SDAD1: variants seen among roughly 807,000 people sequenced by gnomAD.
SDAD1 encodes the protein protein SDA1 homolog.
SDAD1 carries 79 observed loss-of-function variants against 100.3 expected under a neutral mutation model. The observed-to-expected ratio is 0.79, with a 90% CI of 0.66 to 0.95. SDAD1 has a LOEUF of 0.95. SDAD1 is among the 40% of genes least tolerant of loss of function. The pLI is 0.00. For synonymous variants in SDAD1, 267 were observed against 271.4 expected (o/e 0.98, Z 0.16); for missense variants, 790 against 810.9 (o/e 0.97, Z 0.31).
At chr4:75,967,951 A>G (rs959367617) in intron 11 of SDAD1, among the ~76,000 whole-genome samples, 1 of 152,210 alleles carries the variant, frequency 6.6e-6, no homozygotes, top group Non-Finnish European at 1.5e-5. Flanking sequence ...TTTCAAGAAG[A>G]GAAACTGGAA....
intron 14 of SDAD1, 90 bp downstream of exon 14, chr4:75,964,045 C>CA: frequency 1.2e-6 from 1 of 835,766 alleles, no homozygotes; most frequent in East Asian, 2.6e-5. Flanking sequence ...AGAGGTGATA[C>CA]TACCAGCTAC....
At chr4:75,959,123 A>AAC (rs1729085682) in intron 17 of SDAD1, among the ~76,000 whole-genome samples, 2 of 149,908 alleles carry the variant, frequency 1.3e-5, no homozygotes, top group African/African-American at 2.5e-5. Flanking sequence ...AAAAAAAAAA[A>AAC]AAAAACCTAA....
At position 75,981,985 on chromosome 4, in the gene SDAD1, T is replaced by G; in HGVS notation, c.143A>C (p.Gln48Pro). 6.2e-7 allele frequency: 1 copy of G among 1,612,586 alleles called. No individual in the cohort carries two copies. The part of the protein sequence containing the change: ...YKSNVEIFKL[Q>P]PNKPSKELAE... ...TAGTTCTTTGCTGGGTTTATTTGGT[T>G]GCAATTTGAAAATCTCCACATTGGA... is the stretch of plus-strand genomic sequence containing the variant. The change falls in exon 2 of 22, where the codon CAA becomes CCA. Residue 48 changes from glutamine to proline, a missense_variant. Coordinates refer to ENST00000356260, the MANE Select transcript of SDAD1 (RefSeq NM_018115.4).
chr4:75,977,389 GAAT>G (rs1480554549), intron 4 of SDAD1, among the ~76,000 whole-genome samples: 1 of 152,118 alleles, frequency 6.6e-6, no homozygotes, highest in Non-Finnish European at 1.5e-5. Context: ...TGCAAAGTAA[GAAT>G]AATAATAATG....
At chr4:75,962,585 G>T (rs957494173) in intron 14 of SDAD1, among the ~76,000 whole-genome samples, 10 of 152,216 alleles carry the variant, frequency 6.6e-5, no homozygotes, top group African/African-American at 1.9e-4. Flanking sequence ...TTTAATGATC[G>T]CCATTCTAAC....
rs377540050 is a variant in SDAD1, at chr4:75,978,061, CT to C, written c.295-306del. Among the ~76,000 whole-genome samples, 20 of 152,204 alleles carry C rather than the reference CT, an allele frequency of 1.3e-4. No individual in the cohort carries two copies. In the South Asian group the frequency reaches 3.5e-3, roughly 27 times the overall value. ...GCCACAGGGAGGTCAAGTAAGGTCT[CT>C]TTGTAGTGTCATCATACGGCAAAAC... On this transcript the variant is annotated intron_variant, in intron 3 of 21. Coordinates refer to ENST00000356260, the MANE Select transcript of SDAD1 (RefSeq NM_018115.4).
At chr4:75,978,696 C>A (rs1285356590) in intron 3 of SDAD1, among the ~76,000 whole-genome samples, 1 of 152,050 alleles carries the variant, frequency 6.6e-6, no homozygotes, top group Admixed American at 6.6e-5. Context: ...AAGGGCAAGG[C>A]TGGGCATGGT....
At chr4:75,954,254 C>T (rs986752951) in intron 21 of SDAD1, among the ~76,000 whole-genome samples, 1 of 151,996 alleles carries the variant, frequency 6.6e-6, no homozygotes, top group African/African-American at 2.4e-5. Flanking sequence ...TGGTGGCGGG[C>T]ACCTGTAGTC....
At chr4:75,971,939 ATT>A (rs35932670) in intron 8 of SDAD1, among the ~76,000 whole-genome samples, 16 of 138,342 alleles carry the variant, frequency 1.2e-4, no homozygotes, top group African/African-American at 1.3e-4. Context: ...CTGTAGCACT[ATT>A]TTTTTTTTTT....
At chr4:75,970,485 A>G in intron 9 of SDAD1, 107 bp from the exon 10 acceptor site, 2 of 753,430 alleles carry the variant, frequency 2.7e-6, no homozygotes, top group Non-Finnish European at 4.1e-6. Flanking sequence ...CTTTAAAAAG[A>G]AAAAAAACTT....
chr4:75,955,043 G>A (rs935859064), intron 21 of SDAD1, among the ~76,000 whole-genome samples: 1 of 152,152 alleles, frequency 6.6e-6, no homozygotes, highest in African/African-American at 2.4e-5. Flanking sequence ...AGTTTTTGCT[G>A]CAACTGTTAC....
rs1730235290 is a variant in SDAD1 at position 75,977,731 on chromosome 4, A to T, written c.320T>A (p.Leu107Gln). The T allele has an allele frequency of 1.9e-6, 3 of 1,612,532 alleles. No homozygotes were observed. Among genetic ancestry groups the T allele is most frequent in the African/African-American group, 1.3e-5 (1 of 74,884 alleles). Residue 107 changes from leucine to glutamine, a missense_variant, in exon 4 of 22, where the codon CTG becomes CAG. By Grantham distance (113) the Leu-to-Gln change is moderately radical. Coordinates refer to ENST00000356260, the MANE Select transcript of SDAD1 (RefSeq NM_018115.4). ...TGGATTGATGAGATTCTTATTTCTC[A>T]GCAAGATCAAAGCTTTGCAAAATGT... ...RMTFCKALIL[L>Q]RNKNLINPSS...
Position 75,970,387 on chromosome 4 carries a change from G to A in SDAD1, c.814-9C>T, listed in dbSNP as rs1381801828. ...TTCTTCTTTTTTTGTTTCTGAAAGG[G>A]AGAGGAAAAACATTTTCAGTCTGAG... is the stretch of plus-strand genomic sequence containing the variant. On this transcript the variant is annotated splice_polypyrimidine_tract_variant and intron_variant, in intron 9 of 21. Coordinates refer to ENST00000356260, the MANE Select transcript of SDAD1 (RefSeq NM_018115.4). 1 of 1,607,258 alleles carries A rather than the reference G, an allele frequency of 6.2e-7. No individual in the cohort carries two copies. The highest frequency in any genetic ancestry group is 1.7e-5 in the Admixed American group (1 of 59,958).
intron 1 of SDAD1, among the ~76,000 whole-genome samples, chr4:75,986,163 G>A (rs1293898304): frequency 1.3e-5 from 2 of 151,992 alleles, no homozygotes; most frequent in South Asian, 4.2e-4. Flanking sequence ...CTGTCGCCCA[G>A]GTTTCCGTGC....
At chr4:75,971,872 A>G (rs185886913) in intron 8 of SDAD1, among the ~76,000 whole-genome samples, 1 of 152,136 alleles carries the variant, frequency 6.6e-6, no homozygotes, top group Non-Finnish European at 1.5e-5. Flanking sequence ...AAAAAAGAAA[A>G]TTAGGTGGAA....
chr4:75,982,099 T>A (rs944351254), intron 1 of SDAD1, 62 bp from the exon 2 acceptor site: 1 of 945,014 alleles, frequency 1.1e-6, no homozygotes, highest in Non-Finnish European at 1.6e-6. Context: ...AGTACAGACA[T>A]TCAGTAGAGA....
intron 11 of SDAD1, among the ~76,000 whole-genome samples, chr4:75,968,808 G>C (rs758797108): frequency 2.0e-4 from 30 of 152,206 alleles, no homozygotes; most frequent in Non-Finnish European, 3.7e-4. Context: ...AAGGTGGTCA[G>C]ATCATGAGGT....
chr4:75,971,347 C>T lies in SDAD1; in HGVS notation c.813+10G>A, dbSNP rs1395530507. On this transcript the variant is annotated intron_variant, in intron 9 of 21. Coordinates refer to ENST00000356260, the MANE Select transcript of SDAD1 (RefSeq NM_018115.4). Reference sequence around the variant, plus strand: ...TCACTCCTATCTCATTTTCCAGATACAAGTCCCACCTTGAGCACTTTCATT... The same window carrying T: ...TCACTCCTATCTCATTTTCCAGATATAAGTCCCACCTTGAGCACTTTCATT... 10 of 1,588,958 alleles carry T rather than the reference C, an allele frequency of 6.3e-6. No individual in the cohort carries two copies. Among genetic ancestry groups the T allele is most frequent in the Non-Finnish European group, 8.6e-6 (10 of 1,157,814 alleles).
intron 21 of SDAD1, among the ~76,000 whole-genome samples, chr4:75,955,642 T>C (rs1409333837): frequency 6.6e-6 from 1 of 152,240 alleles, no homozygotes; most frequent in East Asian, 1.9e-4. Context: ...ACAGATCAAA[T>C]GTCAGAGAAT....
Sources: allele counts gnomAD v4.1 joint callset (sites outside exome capture counted in the v4.1 genomes callset), GRCh38; gene constraint gnomAD v4.1.1; transcripts MANE v1.5; gene names NCBI Gene and HGNC (gene_info 2026-07-23, HGNC 2026-07-21).